KALRN: variants seen among roughly 807,000 people sequenced by gnomAD.
KALRN encodes kalirin.
KALRN carries 70 observed loss-of-function variants against 353.7 expected under a neutral mutation model. That is an observed-to-expected ratio of 0.20 (90% CI 0.16 to 0.24). The LOEUF (loss-of-function observed/expected upper bound fraction) is 0.24. Ranked by LOEUF, KALRN falls within the 10% of genes least tolerant of loss-of-function variation. The pLI is 1.00. For synonymous variants in KALRN, 1,391 were observed against 1,434.8 expected (o/e 0.97, Z 0.69); for missense variants, 2,791 against 3,756.7 (o/e 0.74, Z 6.72).
chr3:124,569,262 G>A (rs1578051352), intron 34 of KALRN, among the ~76,000 whole-genome samples: 1 of 152,232 alleles, frequency 6.6e-6, no homozygotes, highest in East Asian at 1.9e-4. Flanking sequence ...CTCCCTGAAG[G>A]CCTCCTGATG....
intron 1 of KALRN, among the ~76,000 whole-genome samples, chr3:124,097,224 TG>T (rs2061514580): frequency 6.6e-6 from 1 of 152,268 alleles, no homozygotes. Flanking sequence ...TGCTTTAAAG[TG>T]GCATGTTAGG....
chr3:124,085,613 A>G (rs2060772122), intron 1 of KALRN, among the ~76,000 whole-genome samples: 1 of 152,156 alleles, frequency 6.6e-6, no homozygotes, highest in African/African-American at 2.4e-5. Flanking sequence ...TCTAGACCTT[A>G]TGAGTAGGGG....
Position 124,632,409 on chromosome 3 carries a change from G to A in KALRN, c.5183-11G>A, listed in dbSNP as rs745697460. ...ACCTCTGACATGGCTGTGTCTGTCC[G>A]TTTTCCTCAGATGCATACTCTCATT... is the stretch of plus-strand genomic sequence containing the variant. On this transcript the variant is annotated splice_polypyrimidine_tract_variant and intron_variant, in intron 34 of 59. Coordinates refer to ENST00000682506, the MANE Select transcript of KALRN (RefSeq NM_001388419.1). The A allele has an allele frequency of 1.1e-5, 18 of 1,612,788 alleles. No homozygotes were observed. Among genetic ancestry groups the A allele is most frequent in the African/African-American group, 5.3e-5 (4 of 74,822 alleles).
At chr3:124,314,638 A>G (rs943121738) in intron 6 of KALRN, among the ~76,000 whole-genome samples, 4 of 152,290 alleles carry the variant, frequency 2.6e-5, no homozygotes, top group African/African-American at 9.6e-5. Context: ...ATACAGGAAG[A>G]TGAAAGACAC....
chr3:124,632,849 C>T, intron 35 of KALRN, 146 bp downstream of exon 35: 1 of 812,750 alleles, frequency 1.2e-6, no homozygotes, highest in Non-Finnish European at 1.9e-6. Flanking sequence ...ATTCTTAAGA[C>T]ATTGGCCAGT....
chr3:124,578,072 T>G (rs2713640), intron 34 of KALRN, among the ~76,000 whole-genome samples: 67,907 of 152,026 alleles, frequency 0.45, 16,858 homozygotes, highest in East Asian at 0.83. Context: ...TCTTTTTTCT[T>G]CCACAGAAAA....
chr3:124,214,218 T>A (rs2077126313), intron 1 of KALRN, among the ~76,000 whole-genome samples: 1 of 152,174 alleles, frequency 6.6e-6, no homozygotes, highest in Non-Finnish European at 1.5e-5. Flanking sequence ...TGTACATAAC[T>A]ATTTTATAAT....
chr3:124,102,595 CCAGTAAGTACT>C (rs1389628476), intron 1 of KALRN, among the ~76,000 whole-genome samples: 1 of 152,142 alleles, frequency 6.6e-6, no homozygotes, highest in African/African-American at 2.4e-5. Flanking sequence ...GTGTTTGGTA[CCAGTAAGTACT>C]CAGTAAGTAT....
At chr3:124,223,688 C>T (rs187730433) in intron 1 of KALRN, among the ~76,000 whole-genome samples, 3 of 152,292 alleles carry the variant, frequency 2.0e-5, no homozygotes, top group African/African-American at 7.2e-5. Context: ...GTATGGAACA[C>T]AAGGCACCCA....
intron 1 of KALRN, among the ~76,000 whole-genome samples, chr3:124,218,844 A>G (rs926218889): frequency 1.3e-5 from 2 of 152,214 alleles, no homozygotes; most frequent in African/African-American, 2.4e-5. Flanking sequence ...CGTTACCCAT[A>G]TGTTTAAAGT....
At chr3:124,575,796 T>C (rs1422183223) in intron 34 of KALRN, among the ~76,000 whole-genome samples, 3 of 152,200 alleles carry the variant, frequency 2.0e-5, no homozygotes, top group African/African-American at 7.2e-5. Flanking sequence ...GTTCTCTGCT[T>C]TTAAGAACAC....
rs368179672 is a variant in KALRN at position 124,562,945 on chromosome 3, C to T, written c.5038C>T (p.Arg1680Trp). The T allele has an allele frequency of 2.3e-5, 32 of 1,367,788 alleles. No individual in the cohort carries two copies. Among genetic ancestry groups the T allele is most frequent in the Middle Eastern group, 2.1e-4 (1 of 4,790 alleles). 84.7% of individuals were successfully genotyped at this position (1,367,788 alleles called of 1,614,324 possible). ...QVGQTVELLE[R>W]PSERPGWCLV... ...GGGGCAGACGGTAGAGCTGCTGGAG[C>T]GGCCCAGCGAGCGGCCTGGTTGGTG... is the stretch of plus-strand genomic sequence containing the variant. Residue 1680 changes from arginine to tryptophan, a missense_variant, in exon 34 of 60, where the codon CGG becomes TGG. Around this residue, in one of 11 missense-constraint regions of KALRN, gnomAD observed 239 missense variants for 351.3 expected, o/e 0.68. Coordinates refer to ENST00000682506, the MANE Select transcript of KALRN (RefSeq NM_001388419.1).
At chr3:124,568,687 C>A (rs1211959283) in intron 34 of KALRN, among the ~76,000 whole-genome samples, 2 of 152,136 alleles carry the variant, frequency 1.3e-5, no homozygotes, top group African/African-American at 4.8e-5. Flanking sequence ...CTAACACATG[C>A]CACAACATGA....
intron 14 of KALRN, among the ~76,000 whole-genome samples, chr3:124,418,987 G>A (rs537773453): frequency 1.3e-5 from 2 of 151,440 alleles, no homozygotes; most frequent in Non-Finnish European, 2.9e-5. Flanking sequence ...CAGGAGAATC[G>A]CTTGAACCCA....
At chr3:124,544,851 G>A (rs116323572) in intron 33 of KALRN, among the ~76,000 whole-genome samples, 108 of 152,308 alleles carry the variant, frequency 7.1e-4, no homozygotes, top group African/African-American at 2.5e-3. Context: ...TATGGAAACT[G>A]AGCTCAATCC....
intron 1 of KALRN, among the ~76,000 whole-genome samples, chr3:124,179,990 G>A (rs920419206): frequency 6.6e-6 from 1 of 152,176 alleles, no homozygotes; most frequent in Non-Finnish European, 1.5e-5. Context: ...ATGAATGCCC[G>A]AGATACATAG....
At chr3:124,158,680 C>G (rs2069402315) in intron 1 of KALRN, among the ~76,000 whole-genome samples, 1 of 152,170 alleles carries the variant, frequency 6.6e-6, no homozygotes, top group South Asian at 2.1e-4. Flanking sequence ...GTACCCTCCT[C>G]CCCCCACCAC....
intron 51 of KALRN, chr3:124,679,821 C>G (rs564388789): frequency 1.6e-5 from 7 of 435,050 alleles, no homozygotes; most frequent in South Asian, 1.3e-4. Context: ...TTATTTGAAA[C>G]TTAGAACACA....
intron 3 of KALRN, among the ~76,000 whole-genome samples, chr3:124,240,960 C>A (rs889259963): frequency 4.6e-5 from 7 of 151,936 alleles, no homozygotes; most frequent in Admixed American, 4.6e-4. Context: ...ATAATAATAG[C>A]AACAAAAAAT....
Sources: allele counts gnomAD v4.1 joint callset (sites outside exome capture counted in the v4.1 genomes callset), GRCh38; gene constraint gnomAD v4.1.1; regional missense constraint gnomAD v4.1.1; transcripts MANE v1.5; gene names NCBI Gene and HGNC (gene_info 2026-07-23, HGNC 2026-07-21).